Variants in BCAS3 observed in about 807,000 individuals in gnomAD.
BCAS3 encodes the protein BCAS4/BCAS3 fusion.
In BCAS3, 53 loss-of-function variants were observed where a neutral mutation model predicts 116.1. The observed-to-expected ratio is 0.46, with a 90% CI of 0.37 to 0.57. The LOEUF is 0.57. Ranked by LOEUF, BCAS3 falls within the 20% of genes least tolerant of loss-of-function variation. The pLI, the probability that BCAS3 is intolerant of heterozygous loss-of-function variation, is 0.00. For missense variants in BCAS3, 917 were observed against 1,165.4 expected, an observed-to-expected ratio of 0.79 and a Z score of 3.10; for synonymous variants, 391 against 408.2, an observed-to-expected ratio of 0.96 and a Z score of 0.51.
chr17:60,852,248 G>GAATTGTT (rs1241706274), intron 7 of BCAS3, among the ~76,000 whole-genome samples: 1 of 151,914 alleles, frequency 6.6e-6, no homozygotes, highest in East Asian at 1.9e-4. Context: ...TTTTTTAGTA[G>GAATTGTT]AATTGTTTCC....
chr17:60,716,878 A>G (rs1210683512), intron 5 of BCAS3, among the ~76,000 whole-genome samples: 1 of 152,168 alleles, frequency 6.6e-6, no homozygotes, highest in Non-Finnish European at 1.5e-5. Context: ...CACTCAGCAA[A>G]GATTTATTAA....
intron 22 of BCAS3, among the ~76,000 whole-genome samples, chr17:61,110,333 G>A (rs1046281000): frequency 7.9e-5 from 12 of 152,186 alleles, no homozygotes; most frequent in Non-Finnish European, 1.3e-4. Flanking sequence ...CTGAGGTACC[G>A]GGTTCATCTC....
chr17:60,796,265 C>T (rs2047204235), intron 6 of BCAS3, among the ~76,000 whole-genome samples: 2 of 152,152 alleles, frequency 1.3e-5, no homozygotes, highest in Admixed American at 6.6e-5. Context: ...GGGAGGGTTC[C>T]TCCTTTCTCT....
In BCAS3 at chr17:61,388,990, ATTCATTCATTCATGCT is replaced by A. The variant is rs1568999006; in HGVS notation, c.2594-2986_2594-2971del. ...CATTCATTCATTCATTCATTCATTC[ATTCATTCATTCATGCT>A]AGAAATGTTTAGGGCACCCATGATT... On this transcript the variant is annotated intron_variant, in intron 23 of 23. Transcript: ENST00000407086. This position sits in a 1 kb window ranked among gnomAD's most constrained non-coding sequence, Gnocchi z 6.5. The A allele has an allele frequency of 2.4e-6, 1 of 408,898 alleles. No individual in the cohort carries two copies. The highest frequency in any genetic ancestry group is 4.2e-5 in the Admixed American group (1 of 24,096). 25.3% of individuals were successfully genotyped at this position (408,898 alleles called of 1,614,324 possible).
chr17:61,045,944 T>TATATATATAAATATATATATA (rs2068122347), intron 19 of BCAS3, among the ~76,000 whole-genome samples: 1 of 14,092 alleles, frequency 7.1e-5, no homozygotes, highest in Non-Finnish European at 9.2e-5. Context: ...ATATATATAT[T>TATATATATAAATATATATATA]ATATATATAA....
chr17:60,826,702 T>C (rs1598981123), intron 7 of BCAS3, among the ~76,000 whole-genome samples: 2 of 152,354 alleles, frequency 1.3e-5, no homozygotes, highest in East Asian at 3.9e-4. Context: ...ATGTTTTCCA[T>C]GAGCTACATC....
chr17:61,256,315 A>T lies in BCAS3; in HGVS notation c.2426-112012A>T, dbSNP rs9896990. Reference sequence around the variant, plus strand: ...TTTTTATTTATTTTATTTTATTTTTATTTTTTGAGGCAGAGTTTCACTCTC... The same window carrying T: ...TTTTTATTTATTTTATTTTATTTTTTTTTTTTGAGGCAGAGTTTCACTCTC... On this transcript the variant is annotated intron_variant, in intron 22 of 23. Coordinates refer to ENST00000407086, the MANE Select transcript of BCAS3 (RefSeq NM_017679.5). The surrounding 1 kb of genome is among the most constrained non-coding windows in gnomAD (Gnocchi z 5.6). Among the ~76,000 whole-genome samples the T allele has an allele frequency of 6.5e-4, 98 of 151,038 alleles. 1 individual carries two copies. Among genetic ancestry groups the T allele is most frequent in the African/African-American group, 2.2e-3 (89 of 41,128 alleles).
In BCAS3 at chr17:61,288,880, C is replaced by T. The variant is rs143246136; in HGVS notation, c.2426-79447C>T. Among the ~76,000 whole-genome samples the T allele has an allele frequency of 1.5e-3, 235 of 152,276 alleles. 3 individuals are homozygous for T. Among genetic ancestry groups the T allele is most frequent in the Admixed American group, 5.8e-3 (89 of 15,308 alleles). On this transcript the variant is annotated intron_variant, in intron 22 of 23. Transcript: ENST00000407086. ...CAGGTACCTTGGTATTCAAAAAAGC[C>T]TTAGAATAGCAGATTTTGGTTTTGG...
rs373889478 is a variant in BCAS3 at position 60,770,757 on chromosome 17, C to G, written c.403+23478C>G. On this transcript the variant is annotated intron_variant, in intron 6 of 23. Coordinates refer to ENST00000407086, the MANE Select transcript of BCAS3 (RefSeq NM_017679.5). ...TATTTGAAGTGTGAATATTTACTTGCTATTTTGGTTCCTCTCTGTGGAGGA... is the reference window on the plus strand; with the variant it reads ...TATTTGAAGTGTGAATATTTACTTGGTATTTTGGTTCCTCTCTGTGGAGGA... Among the ~76,000 whole-genome samples, 3 of 147,996 alleles carry G rather than the reference C, an allele frequency of 2.0e-5. No homozygotes were observed. The East Asian group carries it at 6.0e-4, about 30-fold the overall frequency.
At chr17:61,384,437 A>T (rs1329839188) in intron 23 of BCAS3, 3 of 152,092 alleles carry the variant, frequency 2.0e-5, no homozygotes, top group Non-Finnish European at 4.4e-5. Flanking sequence ...ACTAGAGCAG[A>T]CCCTCCCCTC....
At chr17:61,238,720 G>A (rs2083259928) in intron 22 of BCAS3, among the ~76,000 whole-genome samples, 1 of 152,028 alleles carries the variant, frequency 6.6e-6, no homozygotes, top group Non-Finnish European at 1.5e-5. Context: ...TGTCTTCACC[G>A]TATTCTTATC....
chr17:61,352,142 G>A lies in BCAS3; in HGVS notation c.2426-16185G>A, dbSNP rs79390380. Among the ~76,000 whole-genome samples the A allele has an allele frequency of 0.067, 10,214 of 152,160 alleles. 418 individuals carry two copies. The highest frequency in any genetic ancestry group is 0.095 in the Middle Eastern group (28 of 294). ...GAAACAGTGAGAAATTAATTCCTTC[G>A]TTCAGCTGTTAGCCCTAACTCAGAG... On this transcript the variant is annotated intron_variant, in intron 22 of 23. Coordinates refer to ENST00000407086, the MANE Select transcript of BCAS3 (RefSeq NM_017679.5). This position sits in a 1 kb window ranked among gnomAD's most constrained non-coding sequence, Gnocchi z 4.7.
intron 20 of BCAS3, among the ~76,000 whole-genome samples, 169 bp from the exon 21 acceptor site, chr17:61,078,164 A>G (rs919426797): frequency 6.6e-6 from 1 of 152,208 alleles, no homozygotes; most frequent in Non-Finnish European, 1.5e-5. Context: ...TTGAATGTCT[A>G]CATCAGCTGT....
chr17:60,837,583 A>G (rs1424479278), intron 7 of BCAS3, among the ~76,000 whole-genome samples: 2 of 152,204 alleles, frequency 1.3e-5, no homozygotes, highest in African/African-American at 4.8e-5. Context: ...GTTTTTGGTA[A>G]GTGAAGAACA....
chr17:61,127,723 A>T (rs1266280665), intron 22 of BCAS3, among the ~76,000 whole-genome samples: 1 of 148,282 alleles, frequency 6.7e-6, no homozygotes, highest in African/African-American at 2.5e-5. Context: ...AACTTCAATA[A>T]TGTCTGTCAT....
intron 7 of BCAS3, among the ~76,000 whole-genome samples, chr17:60,863,178 T>C (rs4600522): frequency 0.19 from 28,456 of 152,138 alleles, 3,225 homozygotes; most frequent in African/African-American, 0.32. Context: ...ATCATTTAGT[T>C]ATATTGTACC....
At chr17:60,985,593 T>A (rs956379349) in intron 14 of BCAS3, among the ~76,000 whole-genome samples, 2 of 152,178 alleles carry the variant, frequency 1.3e-5, no homozygotes, top group African/African-American at 4.8e-5. Flanking sequence ...CACCCTGTTG[T>A]GCTATCAAAT....
intron 23 of BCAS3, among the ~76,000 whole-genome samples, chr17:61,375,225 T>TGTGTGTGC (rs980437271): frequency 2.8e-5 from 4 of 145,178 alleles, no homozygotes; most frequent in Non-Finnish European, 5.9e-5. Flanking sequence ...TATTTGTGTG[T>TGTGTGTGC]GTGTGTGTGT....
chr17:60,898,659 C>G (rs549792084), intron 10 of BCAS3, among the ~76,000 whole-genome samples: 1 of 152,198 alleles, frequency 6.6e-6, no homozygotes, highest in Admixed American at 6.5e-5. Flanking sequence ...TTGGTGGTTA[C>G]AAGTGGGCTG....
Sources: gnomAD v4.1 joint callset for allele counts (sites outside exome capture counted in the v4.1 genomes callset) on GRCh38, gnomAD v4.1.1 for gene constraint, Gnocchi (gnomAD v3.1) non-coding constraint, MANE v1.5 for transcripts, NCBI Gene and HGNC (gene_info 2026-07-23, HGNC 2026-07-21) for gene names.